Variants in TUSC3 observed in about 807,000 individuals in gnomAD.
TUSC3 encodes tumor suppressor candidate 3, also known as dolichyl-diphosphooligosaccharide--protein glycosyltransferase subunit TUSC3.
Under a neutral mutation model 44.8 loss-of-function variants are expected in TUSC3, and 45 were observed. The observed-to-expected ratio is 1.00, with a 90% CI of 0.79 to 1.29. The LOEUF (loss-of-function observed/expected upper bound fraction) is 1.29, where lower values mean the gene tolerates loss of function less well. Among genes scored for constraint, TUSC3 ranks in the 50% most tolerant of loss-of-function variants. The probability of loss-of-function intolerance (pLI) is 0.00; values close to 1 mark genes in which losing one functional copy is unlikely to be tolerated. For missense variants in TUSC3, 519 were observed against 437.9 expected (o/e 1.19, Z -1.65); for synonymous variants, 212 against 152.9 (o/e 1.39, Z -2.85).
intron 1 of TUSC3, among the ~76,000 whole-genome samples, chr8:15,595,731 T>G (rs553392962): frequency 2.0e-5 from 3 of 152,286 alleles, no homozygotes; most frequent in African/African-American, 7.2e-5. Flanking sequence ...TGTAATACAA[T>G]GTAGCACTTA....
chr8:15,821,287 C>T, the TUSC3 span, among the ~76,000 whole-genome samples: 1 of 148,980 alleles, frequency 6.7e-6, no homozygotes, highest in African/African-American at 2.5e-5. Context: ...TGTAATATGT[C>T]TCTTTTTGCT....
chr8:15,604,229 C>T (rs565373206), intron 1 of TUSC3, among the ~76,000 whole-genome samples: 26 of 151,352 alleles, frequency 1.7e-4, no homozygotes, highest in African/African-American at 5.6e-4. Flanking sequence ...TTTATGGGTG[C>T]GTCTTTATAC....
At chr8:15,621,920 T>G (rs1805264693) in intron 1 of TUSC3, among the ~76,000 whole-genome samples, 1 of 152,222 alleles carries the variant, frequency 6.6e-6, no homozygotes, top group Admixed American at 6.5e-5. Flanking sequence ...TCCCTTCCAT[T>G]TCTTTCCATT....
intron 1 of TUSC3, among the ~76,000 whole-genome samples, chr8:15,548,590 T>C (rs1382524002): frequency 2.6e-5 from 4 of 151,876 alleles, no homozygotes; most frequent in African/African-American, 4.8e-5. Flanking sequence ...GGGTACTTGA[T>C]GACATGTCTT....
At chr8:15,452,956 C>A (rs1800212554) in intron 1 of TUSC3, among the ~76,000 whole-genome samples, 1 of 151,926 alleles carries the variant, frequency 6.6e-6, no homozygotes, top group African/African-American at 2.4e-5. Flanking sequence ...ATCCCTGCAC[C>A]ACCAGACCAG....
intron 10 of TUSC3, among the ~76,000 whole-genome samples, chr8:15,759,355 G>T (rs1164452579): frequency 6.6e-6 from 1 of 151,998 alleles, no homozygotes; most frequent in Admixed American, 6.6e-5. Flanking sequence ...GCACAAATAT[G>T]TTCTGTCGAG....
intron 1 of TUSC3, among the ~76,000 whole-genome samples, chr8:15,595,755 C>G (rs1007391629): frequency 4.6e-5 from 7 of 152,128 alleles, no homozygotes; most frequent in Non-Finnish European, 1.0e-4. Flanking sequence ...TAGCTTTCTA[C>G]TTCTGTAAGA....
intron 7 of TUSC3, among the ~76,000 whole-genome samples, chr8:15,733,105 G>A (rs1409987580): frequency 6.6e-6 from 1 of 152,130 alleles, no homozygotes; most frequent in Non-Finnish European, 1.5e-5. Context: ...TATGGTAAGA[G>A]ATTAATGCTT....
intron 1 of TUSC3, among the ~76,000 whole-genome samples, chr8:15,550,913 C>T (rs566885657): frequency 1.3e-5 from 2 of 151,850 alleles, no homozygotes; most frequent in East Asian, 3.9e-4. Context: ...CTCGGGTGAT[C>T]TGCCCGCCTC....
the TUSC3 span, among the ~76,000 whole-genome samples, chr8:15,788,315 G>A: frequency 0.023 from 3,493 of 152,210 alleles, 140 homozygotes; most frequent in African/African-American, 0.078. Context: ...AAGAGGCCAA[G>A]GCAGGAGGAT....
chr8:15,810,370 G>A, the TUSC3 span, among the ~76,000 whole-genome samples: 1 of 152,180 alleles, frequency 6.6e-6, no homozygotes, highest in African/African-American at 2.4e-5. Flanking sequence ...AGGAATGGTG[G>A]CGTATGTCTA....
the TUSC3 span, among the ~76,000 whole-genome samples, chr8:15,820,101 T>C: frequency 6.6e-6 from 1 of 152,182 alleles, no homozygotes; most frequent in African/African-American, 2.4e-5. Flanking sequence ...TTTCTGCATC[T>C]ACTGAAATGA....
rs115711307 is a variant in TUSC3, at chr8:15,600,972, A to G, written c.139-22108A>G. 7.2e-3 allele frequency among the ~76,000 whole-genome samples: 1,096 copies of G among 151,652 alleles called. 9 individuals are homozygous for G. The highest frequency in any genetic ancestry group is 0.025 in the African/African-American group (1,026 of 41,454). On this transcript the variant is annotated intron_variant, in intron 1 of 10. Transcript: ENST00000503731. ...TGCTAAATACTTTGTATTTAGTTAA[A>G]ATAATATTTTTTTTCTCAGAAGAAA...
chr8:15,723,823 A>C (rs779660130), intron 6 of TUSC3, among the ~76,000 whole-genome samples: 5 of 152,190 alleles, frequency 3.3e-5, no homozygotes, highest in Non-Finnish European at 5.9e-5. Context: ...ACTGAAAAGA[A>C]AATAATTCTT....
At chr8:15,617,004 C>T (rs1805013185) in intron 1 of TUSC3, among the ~76,000 whole-genome samples, 1 of 152,096 alleles carries the variant, frequency 6.6e-6, no homozygotes, top group African/African-American at 2.4e-5. Context: ...AGATTTCCGG[C>T]TAGCGAAGTG....
At chr8:15,632,922 T>C (rs1003969566) in intron 2 of TUSC3, among the ~76,000 whole-genome samples, 4 of 152,348 alleles carry the variant, frequency 2.6e-5, no homozygotes, top group African/African-American at 9.6e-5. Flanking sequence ...TTACGTTGTA[T>C]GTTCTCTGCC....
intron 1 of TUSC3, among the ~76,000 whole-genome samples, chr8:15,607,990 A>G (rs1234433024): frequency 1.3e-5 from 2 of 152,234 alleles, no homozygotes; most frequent in Non-Finnish European, 2.9e-5. Flanking sequence ...ATGCAGTGAT[A>G]CAGCAAGTGC....
chr8:15,816,893 A>G, the TUSC3 span, among the ~76,000 whole-genome samples: 2 of 152,202 alleles, frequency 1.3e-5, no homozygotes, highest in Admixed American at 6.5e-5. Flanking sequence ...CAGCTCCCCA[A>G]TGTTTCTCAT....
chr8:15,844,173 A>T, the TUSC3 span, among the ~76,000 whole-genome samples: 1 of 151,848 alleles, frequency 6.6e-6, no homozygotes, highest in Non-Finnish European at 1.5e-5. Flanking sequence ...ATGGCAAAAA[A>T]AATATCTCTT....
Sources: gnomAD v4.1 joint callset for allele counts (sites outside exome capture counted in the v4.1 genomes callset) on GRCh38, gnomAD v4.1.1 for gene constraint, MANE v1.5 for transcripts, NCBI Gene and HGNC (gene_info 2026-07-23, HGNC 2026-07-21) for gene names.